Variants in TENM3 observed in about 807,000 individuals in gnomAD.
The protein encoded by TENM3 is teneurin transmembrane protein 3.
Under a neutral mutation model 255.1 loss-of-function variants are expected in TENM3, and 63 were observed. The ratio of observed to expected loss-of-function variants is 0.25; its 90% confidence interval spans 0.20 to 0.30. The LOEUF (loss-of-function observed/expected upper bound fraction) is 0.30. Among genes scored for constraint, TENM3 ranks in the 10% least tolerant of loss-of-function variants. The pLI is 1.00. For missense variants in TENM3, 2,929 were observed against 3,461.1 expected (o/e 0.85, Z 3.86); for synonymous variants, 1,306 against 1,322.3 (o/e 0.99, Z 0.27).
In TENM3 at chr4:182,486,890, G is replaced by A. The variant is rs191328668; in HGVS notation, c.512-114034G>A. Reference sequence around the variant, plus strand: ...AGTCTAGTCCCTTGGGGGTCTTCCAGATGATGTTAGTTATCTAAGCTAGAA... The same window carrying A: ...AGTCTAGTCCCTTGGGGGTCTTCCAAATGATGTTAGTTATCTAAGCTAGAA... On this transcript the variant is annotated intron_variant, in intron 3 of 27. Coordinates refer to ENST00000511685, the MANE Select transcript of TENM3 (RefSeq NM_001080477.4). 6.4e-4 allele frequency among the ~76,000 whole-genome samples: 98 copies of A among 152,334 alleles called. 1 individual carries two copies. Among genetic ancestry groups the A allele is most frequent in the Admixed American group, 1.0e-3 (16 of 15,292 alleles).
At chr4:181,923,601 T>C in the TENM3 span, among the ~76,000 whole-genome samples, 1 of 152,272 alleles carries the variant, frequency 6.6e-6, no homozygotes, top group Non-Finnish European at 1.5e-5. Context: ...ATATACCAAG[T>C]AAATCAAGAT....
the TENM3 span, among the ~76,000 whole-genome samples, chr4:182,100,890 G>A: frequency 3.2e-5 from 4 of 126,886 alleles, no homozygotes; most frequent in African/African-American, 9.0e-5. Context: ...GAGAGAGAGA[G>A]AAAATTAGCC....
the TENM3 span, among the ~76,000 whole-genome samples, chr4:182,001,715 T>C: frequency 1.3e-5 from 2 of 152,130 alleles, no homozygotes; most frequent in African/African-American, 4.8e-5. Context: ...CTAAAGTGCA[T>C]TGAGTTCTTT....
At chr4:181,578,216 G>A in the TENM3 span, among the ~76,000 whole-genome samples, 1 of 131,070 alleles carries the variant, frequency 7.6e-6, no homozygotes, top group Non-Finnish European at 1.6e-5. Context: ...GCTCTGTGGG[G>A]AAGATGTCTT....
the TENM3 span, among the ~76,000 whole-genome samples, chr4:181,603,324 G>A: frequency 1.3e-5 from 2 of 152,046 alleles, no homozygotes; most frequent in African/African-American, 2.4e-5. Context: ...TGTTGGGGGC[G>A]TCTATGGAAG....
At chr4:182,162,275 C>G (rs1185262021) in intron 1 of TENM3, among the ~76,000 whole-genome samples, 1 of 152,020 alleles carries the variant, frequency 6.6e-6, no homozygotes, top group Admixed American at 6.6e-5. Context: ...TGTTTTTCAG[C>G]TCTAATGTGT....
chr4:181,881,964 T>C, the TENM3 span, among the ~76,000 whole-genome samples: 1 of 152,198 alleles, frequency 6.6e-6, no homozygotes, highest in African/African-American at 2.4e-5. Context: ...GCAACTTCCG[T>C]GATTTTGTAA....
At chr4:181,536,828 G>C in the TENM3 span, among the ~76,000 whole-genome samples, 1 of 152,104 alleles carries the variant, frequency 6.6e-6, no homozygotes, top group Non-Finnish European at 1.5e-5. Flanking sequence ...TTTTCCCTTG[G>C]CTTTAAAAAG....
At chr4:182,569,449 G>T (rs188303541) in intron 3 of TENM3, among the ~76,000 whole-genome samples, 1 of 152,138 alleles carries the variant, frequency 6.6e-6, no homozygotes, top group East Asian at 1.9e-4. Flanking sequence ...AGCTACTCGG[G>T]AGGCTGAGGC....
chr4:181,476,780 C>G, the TENM3 span, among the ~76,000 whole-genome samples: 26 of 152,130 alleles, frequency 1.7e-4, no homozygotes, highest in Non-Finnish European at 2.9e-4. Context: ...TCAAAATTAC[C>G]TCTTCCATCC....
the TENM3 span, among the ~76,000 whole-genome samples, chr4:181,641,685 A>T: frequency 4.9e-4 from 35 of 70,850 alleles, 1 homozygote; most frequent in African/African-American, 1.6e-3. Context: ...TATATAAAAT[A>T]TATATAATGT....
At chr4:181,509,360 A>G in the TENM3 span, among the ~76,000 whole-genome samples, 1 of 152,096 alleles carries the variant, frequency 6.6e-6, no homozygotes, top group South Asian at 2.1e-4. Flanking sequence ...TTACTCTCCT[A>G]AAATTATGAA....
chr4:182,140,495 G>A (rs1749319526), upstream of TENM3, among the ~76,000 whole-genome samples: 1 of 151,004 alleles, frequency 6.6e-6, no homozygotes, highest in African/African-American at 2.4e-5. Context: ...CAGCAACTGG[G>A]TTTGAACCCA....
At chr4:182,482,179 T>G (rs1375995414) in intron 3 of TENM3, among the ~76,000 whole-genome samples, 1 of 152,214 alleles carries the variant, frequency 6.6e-6, no homozygotes, top group Non-Finnish European at 1.5e-5. Flanking sequence ...CATTGAGACA[T>G]GCTGACCTAG....
chr4:182,563,238 G>A (rs916749355), intron 3 of TENM3, among the ~76,000 whole-genome samples: 1 of 151,990 alleles, frequency 6.6e-6, no homozygotes, highest in Non-Finnish European at 1.5e-5. Context: ...AACATGTCGT[G>A]CATATGTAGA....
chr4:182,710,071 A>T (rs1226281812), intron 12 of TENM3, among the ~76,000 whole-genome samples: 1 of 152,166 alleles, frequency 6.6e-6, no homozygotes, highest in Non-Finnish European at 1.5e-5. Context: ...TCCACCCTTA[A>T]AACTGCTAAT....
At position 182,800,226 on chromosome 4, in the gene TENM3, C is replaced by A; in HGVS notation, c.7975C>A (p.Leu2659Met). Residue 2659 changes from leucine to methionine, a missense_variant, in exon 28 of 28, where the codon CTG (leucine) becomes ATG (methionine). By Grantham distance (15) the Leu-to-Met change is conservative. Transcript: ENST00000511685. Reference sequence around the variant, plus strand: ...GACGGAGGGCGAGAAGCGGCAGCTGCTGAGCGCCGGCAAGGTGCAGGGCTA... The same window carrying A: ...GACGGAGGGCGAGAAGCGGCAGCTGATGAGCGCCGGCAAGGTGCAGGGCTA... The part of the protein sequence containing the change: ...LWTEGEKRQL[L>M]SAGKVQGYDG... 2 of 1,592,520 alleles carry A rather than the reference C, an allele frequency of 1.3e-6. No homozygotes were observed. The highest frequency in any genetic ancestry group is 1.7e-6 in the Non-Finnish European group (2 of 1,177,644).
At chr4:182,087,043 G>T in the TENM3 span, among the ~76,000 whole-genome samples, 1 of 151,956 alleles carries the variant, frequency 6.6e-6, no homozygotes, top group African/African-American at 2.4e-5. Flanking sequence ...ACATTGTTTC[G>T]ATCATTGTGT....
chr4:181,891,746 T>C, the TENM3 span, among the ~76,000 whole-genome samples: 2 of 152,234 alleles, frequency 1.3e-5, no homozygotes, highest in African/African-American at 2.4e-5. Flanking sequence ...GTGGTCATGT[T>C]TGTAAAGTCA....
Sources: gnomAD v4.1 joint callset for allele counts (sites outside exome capture counted in the v4.1 genomes callset) on GRCh38, gnomAD v4.1.1 for gene constraint, MANE v1.5 for transcripts, NCBI Gene and HGNC (gene_info 2026-07-23, HGNC 2026-07-21) for gene names.